Variants in KCNN2 observed in about 807,000 individuals in gnomAD.
KCNN2 encodes the protein small conductance calcium-activated potassium channel protein 2.
A neutral mutation model predicts 55.5 loss-of-function variants in KCNN2; 24 were observed. The ratio of observed to expected loss-of-function variants is 0.43; its 90% confidence interval spans 0.31 to 0.61. KCNN2 has a LOEUF of 0.61. Among genes scored for constraint, KCNN2 ranks in the 20% least tolerant of loss-of-function variants. KCNN2 has a pLI of 0.08. For missense variants in KCNN2, 754 were observed against 853.6 expected, an observed-to-expected ratio of 0.88 and a Z score of 1.45; for synonymous variants, 431 against 336.1, an observed-to-expected ratio of 1.28 and a Z score of -3.09.
intron 1 of KCNN2, among the ~76,000 whole-genome samples, chr5:114,182,455 C>T (rs7722188): frequency 0.74 from 112,665 of 151,914 alleles, 42,072 homozygotes; most frequent in East Asian, 0.88. Flanking sequence ...TCATTGACTT[C>T]ATAGAGAGGT....
chr5:114,221,504 G>A (rs542819127), exon 2 of KCNN2, among the ~76,000 whole-genome samples: 7 of 152,250 alleles, frequency 4.6e-5, no homozygotes, highest in Admixed American at 1.3e-4. Flanking sequence ...AACTACAAAA[G>A]GATGGACTCC....
chr5:114,451,247 C>A (rs1024787618), intron 3 of KCNN2, among the ~76,000 whole-genome samples: 2 of 152,172 alleles, frequency 1.3e-5, no homozygotes, highest in Non-Finnish European at 2.9e-5. Context: ...GATGTTCTAT[C>A]ATTCCCTTTT....
At chr5:114,194,205 G>T (rs563989795) in intron 1 of KCNN2, among the ~76,000 whole-genome samples, 1 of 151,920 alleles carries the variant, frequency 6.6e-6, no homozygotes, top group South Asian at 2.1e-4. Flanking sequence ...ATTTCTCTTG[G>T]CTTGATATCT....
chr5:114,379,974 ATG>A (rs1758066592), intron 2 of KCNN2, among the ~76,000 whole-genome samples: 1 of 150,588 alleles, frequency 6.6e-6, no homozygotes, highest in African/African-American at 2.4e-5. Flanking sequence ...TAGAAAATTA[ATG>A]TGTTATACAT....
At chr5:114,264,797 G>A (rs1755176964) in intron 2 of KCNN2, among the ~76,000 whole-genome samples, 1 of 152,230 alleles carries the variant, frequency 6.6e-6, no homozygotes, top group South Asian at 2.1e-4. Flanking sequence ...GCCACCAGAG[G>A]CCCCCATCTT....
intron 2 of KCNN2, among the ~76,000 whole-genome samples, chr5:114,388,015 T>C (rs1758337835): frequency 6.6e-6 from 1 of 152,222 alleles, no homozygotes; most frequent in African/African-American, 2.4e-5. Context: ...TCCATGCTCT[T>C]ATGTGTTCAC....
At chr5:114,333,609 G>GT (rs1367692794) in intron 2 of KCNN2, among the ~76,000 whole-genome samples, 1 of 121,042 alleles carries the variant, frequency 8.3e-6, no homozygotes, top group Non-Finnish European at 1.8e-5. Context: ...TGAGATGTTA[G>GT]TAAAAAAAAA....
chr5:114,400,381 A>G (rs962172368), intron 2 of KCNN2, among the ~76,000 whole-genome samples: 4 of 152,212 alleles, frequency 2.6e-5, no homozygotes, highest in Non-Finnish European at 4.4e-5. Flanking sequence ...GTGACGAGGT[A>G]CAACAACCAA....
At chr5:114,133,493 A>G (rs1051196016) in intron 1 of KCNN2, among the ~76,000 whole-genome samples, 1 of 152,142 alleles carries the variant, frequency 6.6e-6, no homozygotes. Context: ...TCTGTGTGTT[A>G]CCTGGGCCAT....
At chr5:114,060,256 G>T (rs1561458254) in intron 1 of KCNN2, among the ~76,000 whole-genome samples, 1 of 152,202 alleles carries the variant, frequency 6.6e-6, no homozygotes, top group Non-Finnish European at 1.5e-5. Context: ...GGCTTGGCAT[G>T]GTTCTCCCAT....
chr5:114,135,124 G>A (rs1034395601), intron 1 of KCNN2, among the ~76,000 whole-genome samples: 3 of 112,112 alleles, frequency 2.7e-5, no homozygotes, highest in African/African-American at 6.9e-5. Flanking sequence ...TGGGAGAGCT[G>A]AAGCTTAAGC....
In KCNN2 at chr5:114,056,699, A is replaced by G. The variant is rs147505807; in HGVS notation, c.-271+199A>G. Among the ~76,000 whole-genome samples, 11 of 152,240 alleles carry G rather than the reference A, an allele frequency of 7.2e-5. No homozygotes were observed. The East Asian group carries it at 1.9e-3, about 27-fold the overall frequency. The stretch of plus-strand genomic sequence containing the variant: ...GTGACTCCCTTAGGCTATATTCAGC[A>G]TTTGAGAGTTCTGCACTAGAGGCCA... On this transcript the variant is annotated intron_variant, in intron 1 of 10. Coordinates refer to the KCNN2 transcript ENST00000512097.
chr5:114,304,979 C>G (rs6864703), intron 2 of KCNN2, among the ~76,000 whole-genome samples: 30,752 of 152,054 alleles, frequency 0.2, 3,502 homozygotes, highest in Non-Finnish European at 0.25. Context: ...GCCAAAATAA[C>G]AGATTGCTGA....
In KCNN2 at chr5:114,363,085, A is replaced by G; in HGVS notation, c.946A>G (p.Ser316Gly). 1 of 1,611,658 alleles carries G rather than the reference A, an allele frequency of 6.2e-7. No individual in the cohort carries two copies. The highest frequency in any genetic ancestry group is 8.5e-7 in the Non-Finnish European group (1 of 1,179,784). ...CGGTGGCGGGAGCGGGCACGGCAGC[A>G]GCAGTGGCACCAAGTCCAGCAAAAA... ...GGGGGSGHGS[S>G]SGTKSSKKKN... The change falls in exon 1 of 8, where the codon AGC (serine) becomes GGC (glycine). Residue 316 changes from serine (S) to glycine (G), a missense_variant. Physicochemically the swap from Ser to Gly is moderately conservative, Grantham distance 56 (BLOSUM62 0). This residue lies in a region of KCNN2 where 381 missense variants were observed against 259.1 expected (regional missense o/e 1.47). Transcript: ENST00000673685.
At chr5:114,482,857 C>T (rs545962285) in intron 5 of KCNN2, among the ~76,000 whole-genome samples, 5 of 152,196 alleles carry the variant, frequency 3.3e-5, no homozygotes, top group South Asian at 2.1e-4. Flanking sequence ...TGGGAGGGAA[C>T]AGCACACACT....
chr5:114,102,231 C>G (rs1751387372), intron 1 of KCNN2, among the ~76,000 whole-genome samples: 1 of 150,784 alleles, frequency 6.6e-6, no homozygotes, highest in African/African-American at 2.4e-5. Context: ...TAAATGTCTT[C>G]TTTTGAAAAG....
intron 1 of KCNN2, among the ~76,000 whole-genome samples, chr5:114,195,088 T>G (rs1380614625): frequency 6.6e-6 from 1 of 151,984 alleles, no homozygotes; most frequent in Non-Finnish European, 1.5e-5. Context: ...TATTAATTAC[T>G]GTAGCTGAGT....
chr5:114,469,202 T>C (rs1761597286), intron 4 of KCNN2, among the ~76,000 whole-genome samples: 1 of 152,190 alleles, frequency 6.6e-6, no homozygotes, highest in African/African-American at 2.4e-5. Flanking sequence ...GTAGTAAACG[T>C]TAACAACACT....
rs1756381208 is a variant in KCNN2, at chr5:114,310,959, C to CAA, written c.-184-49984_-184-49983dup. On this transcript the variant is annotated intron_variant, in intron 2 of 10. Coordinates refer to the KCNN2 transcript ENST00000512097. ...ATCATGATGATTTGAGTTTATTCAT[C>CAA]AAAGTCTACCCTCTTTTGCTGCCTC... Among the ~76,000 whole-genome samples, 4 of 152,212 alleles carry CAA rather than the reference C, an allele frequency of 2.6e-5. No homozygotes were observed. In the South Asian group the frequency reaches 8.3e-4, roughly 32 times the overall value.
Sources: gnomAD v4.1 joint callset for allele counts (sites outside exome capture counted in the v4.1 genomes callset) on GRCh38, gnomAD v4.1.1 for gene constraint, gnomAD v4.1.1 regional missense constraint, MANE v1.5 for transcripts, NCBI Gene and HGNC (gene_info 2026-07-23, HGNC 2026-07-21) for gene names.